LRGUK: variants seen among roughly 807,000 people sequenced by gnomAD.
LRGUK encodes the protein leucine-rich repeat and guanylate kinase domain-containing protein.
LRGUK carries 65 observed loss-of-function variants against 76.0 expected under a neutral mutation model. The ratio of observed to expected loss-of-function variants is 0.85; its 90% confidence interval spans 0.70 to 1.05. LRGUK has a LOEUF of 1.05. LRGUK is among the 50% of genes least tolerant of loss of function. The pLI, the probability that LRGUK is intolerant of heterozygous loss-of-function variation, is 0.00. For synonymous variants in LRGUK, 268 were observed against 265.6 expected (o/e 1.01, Z -0.09); for missense variants, 758 against 732.8 (o/e 1.03, Z -0.40).
chr7:134,243,644 T>C (rs902013192), intron 16 of LRGUK, among the ~76,000 whole-genome samples: 10 of 152,126 alleles, frequency 6.6e-5, no homozygotes, highest in Non-Finnish European at 1.3e-4. Flanking sequence ...ATTTATAGAT[T>C]CAATGCCATC....
downstream of LRGUK, among the ~76,000 whole-genome samples, chr7:134,212,269 A>G (rs1801303267): frequency 6.6e-6 from 1 of 152,234 alleles, no homozygotes. Context: ...ATGTATGGAC[A>G]CTATACTCCA....
chr7:134,199,982 TTATATATATATA>T (rs71172442), intron 14 of LRGUK, among the ~76,000 whole-genome samples: 474 of 38,408 alleles, frequency 0.012, 13 homozygotes, highest in African/African-American at 0.038. Context: ...CTAGAAACTT[TTATATATATATA>T]TATATATATA....
At chr7:134,195,900 G>A (rs1037276254) in intron 12 of LRGUK, among the ~76,000 whole-genome samples, 10 of 152,032 alleles carry the variant, frequency 6.6e-5, no homozygotes, top group African/African-American at 2.4e-4. Flanking sequence ...ATCACCTGCA[G>A]CAGACACATT....
chr7:134,204,884 A>G (rs1800936421), intron 15 of LRGUK, among the ~76,000 whole-genome samples: 1 of 152,154 alleles, frequency 6.6e-6, no homozygotes, highest in Admixed American at 6.5e-5. Context: ...TTACCTTAAA[A>G]CAAGTGTCAG....
Position 134,148,233 on chromosome 7 carries a change from G to A in LRGUK, c.589-5G>A. 2 of 1,589,694 alleles carry A rather than the reference G, an allele frequency of 1.3e-6. No individual in the cohort carries two copies. Among genetic ancestry groups the A allele is most frequent in the South Asian group, 2.3e-5 (2 of 88,208 alleles). Reference sequence around the variant, plus strand: ...TATAACATCTTGTTCTCTTTCTCTTGCCAGAAGGCGGATTTTTCCCACAAC... The same window carrying A: ...TATAACATCTTGTTCTCTTTCTCTTACCAGAAGGCGGATTTTTCCCACAAC... On this transcript the variant is annotated splice_polypyrimidine_tract_variant and splice_region_variant and intron_variant, in intron 4 of 15. Transcript: ENST00000645682.
intron 4 of LRGUK, among the ~76,000 whole-genome samples, chr7:134,146,567 AT>A (rs1212335976): frequency 6.6e-6 from 1 of 152,080 alleles, no homozygotes; most frequent in Non-Finnish European, 1.5e-5. Context: ...TGGTGTTCTG[AT>A]TTTTTTAATA....
At chr7:134,223,969 C>G (rs1182787228) in intron 16 of LRGUK, among the ~76,000 whole-genome samples, 2 of 152,032 alleles carry the variant, frequency 1.3e-5, no homozygotes, top group East Asian at 3.9e-4. Context: ...CTTGCTATAC[C>G]TGGGGTAATG....
chr7:134,150,797 T>C (rs1463445198), intron 5 of LRGUK, among the ~76,000 whole-genome samples: 1 of 152,148 alleles, frequency 6.6e-6, no homozygotes, highest in Non-Finnish European at 1.5e-5. Flanking sequence ...ACTTTGTAAA[T>C]GTCAGATATA....
chr7:134,188,889 G>T (rs939211546), intron 11 of LRGUK, among the ~76,000 whole-genome samples: 11 of 152,114 alleles, frequency 7.2e-5, no homozygotes, highest in Non-Finnish European at 1.5e-5. Flanking sequence ...TTCTAAATCT[G>T]CATGCGTCTG....
At chr7:134,168,404 G>A (rs1799083776) in intron 7 of LRGUK, among the ~76,000 whole-genome samples, 2 of 152,134 alleles carry the variant, frequency 1.3e-5, no homozygotes, top group Admixed American at 6.5e-5. Flanking sequence ...CTGAATGCAG[G>A]ACCCTCAGGA....
chr7:134,182,009 C>T (rs920178716), intron 10 of LRGUK, among the ~76,000 whole-genome samples: 2 of 152,170 alleles, frequency 1.3e-5, no homozygotes, highest in African/African-American at 4.8e-5. Context: ...CCCTCCCTCT[C>T]ATCTTCCCTA....
chr7:134,156,820 G>A (rs1161065061), intron 5 of LRGUK, among the ~76,000 whole-genome samples: 1 of 152,148 alleles, frequency 6.6e-6, no homozygotes, highest in African/African-American at 2.4e-5. Context: ...TGATGTTAAA[G>A]GTGAGTTAAG....
At chr7:134,156,067 G>A (rs1409698837) in intron 5 of LRGUK, among the ~76,000 whole-genome samples, 3 of 152,152 alleles carry the variant, frequency 2.0e-5, no homozygotes, top group Non-Finnish European at 4.4e-5. Context: ...ATATCATAAT[G>A]AACTCTCTCA....
intron 1 of LRGUK, among the ~76,000 whole-genome samples, chr7:134,131,469 C>A (rs1322732668): frequency 6.6e-6 from 1 of 152,176 alleles, no homozygotes; most frequent in Admixed American, 6.5e-5. Flanking sequence ...TGGAAGACTT[C>A]AGGGGAAGGA....
chr7:134,269,190 TA>T (rs1802915887), downstream of LRGUK, among the ~76,000 whole-genome samples: 1 of 152,174 alleles, frequency 6.6e-6, no homozygotes. Flanking sequence ...AATGAATTTT[TA>T]ATTCCCTTAA....
At chr7:134,156,754 C>T (rs1389816650) in intron 5 of LRGUK, among the ~76,000 whole-genome samples, 1 of 152,054 alleles carries the variant, frequency 6.6e-6, no homozygotes, top group East Asian at 1.9e-4. Context: ...AATTAATCTG[C>T]CTACAGTGTG....
chr7:134,217,150 A>G (rs1420042745), intron 15 of LRGUK, among the ~76,000 whole-genome samples: 3 of 131,558 alleles, frequency 2.3e-5, no homozygotes, highest in African/African-American at 8.9e-5. Flanking sequence ...TTAAATACTC[A>G]TCCTTTTTTT....
intron 17 of LRGUK, among the ~76,000 whole-genome samples, 183 bp downstream of exon 17, chr7:134,247,827 A>C (rs1802346339): frequency 6.6e-6 from 1 of 152,180 alleles, no homozygotes; most frequent in Non-Finnish European, 1.5e-5. Context: ...AAAAGGCACA[A>C]TATGCTCATA....
chr7:134,160,642 A>G (rs896301581), intron 6 of LRGUK, among the ~76,000 whole-genome samples: 1 of 152,220 alleles, frequency 6.6e-6, no homozygotes, highest in Non-Finnish European at 1.5e-5. Context: ...TAAGGGGAAA[A>G]TGTGGTTCAC....
Sources: gnomAD v4.1 joint callset for allele counts (sites outside exome capture counted in the v4.1 genomes callset) on GRCh38, gnomAD v4.1.1 for gene constraint, MANE v1.5 for transcripts, NCBI Gene and HGNC (gene_info 2026-07-23, HGNC 2026-07-21) for gene names.